CDH18: variants seen among roughly 807,000 people sequenced by gnomAD.
CDH18 encodes the protein cadherin-18.
A neutral mutation model predicts 67.9 loss-of-function variants in CDH18; 31 were observed. The observed-to-expected ratio is 0.46, with a 90% CI of 0.34 to 0.62. CDH18 has a LOEUF of 0.62. Among genes scored for constraint, CDH18 ranks in the 20% least tolerant of loss-of-function variants. The probability of loss-of-function intolerance (pLI) is 0.01; values close to 1 mark genes in which losing one functional copy is unlikely to be tolerated. For missense variants in CDH18, 890 were observed against 975.5 expected, an observed-to-expected ratio of 0.91 and a Z score of 1.17; for synonymous variants, 362 against 347.2, an observed-to-expected ratio of 1.04 and a Z score of -0.48.
intron 1 of CDH18, among the ~76,000 whole-genome samples, chr5:20,489,603 T>C (rs1753458525): frequency 6.6e-6 from 1 of 152,080 alleles, no homozygotes; most frequent in Non-Finnish European, 1.5e-5. Context: ...TATATTTAAA[T>C]ATTCATCCTA....
chr5:20,449,305 A>G (rs1750249444), intron 1 of CDH18, among the ~76,000 whole-genome samples: 1 of 152,146 alleles, frequency 6.6e-6, no homozygotes, highest in Admixed American at 6.6e-5. Context: ...TTCCTTAGAA[A>G]TGTGAGTGTA....
chr5:19,946,326 C>T (rs949298742), intron 2 of CDH18, among the ~76,000 whole-genome samples: 2 of 151,990 alleles, frequency 1.3e-5, no homozygotes, highest in Admixed American at 1.3e-4. Flanking sequence ...AATTTGCTCT[C>T]AGTAGATCTA....
chr5:19,777,593 T>A (rs1453542044), intron 3 of CDH18, among the ~76,000 whole-genome samples: 2 of 152,316 alleles, frequency 1.3e-5, no homozygotes, highest in Middle Eastern at 3.4e-3. Context: ...ATTGTTGGCA[T>A]TCTTGCAGAT....
intron 11 of CDH18, among the ~76,000 whole-genome samples, chr5:19,489,429 A>T (rs1740974721): frequency 6.6e-6 from 1 of 151,742 alleles, no homozygotes; most frequent in Non-Finnish European, 1.5e-5. Context: ...TTGTATTTTT[A>T]GTAGAGACAG....
intron 2 of CDH18, among the ~76,000 whole-genome samples, chr5:20,081,607 C>T (rs1055955485): frequency 3.3e-5 from 5 of 152,036 alleles, no homozygotes; most frequent in African/African-American, 1.2e-4. Context: ...CCACAGAATA[C>T]CATGAAGACA....
chr5:19,949,334 G>T lies in CDH18; in HGVS notation c.-257+31726C>A, dbSNP rs562246923. 1.8e-4 allele frequency among the ~76,000 whole-genome samples: 28 copies of T among 152,106 alleles called. 1 individual carries two copies. The South Asian group carries it at 5.6e-3, about 30-fold the overall frequency. On this transcript the variant is annotated intron_variant, in intron 2 of 12. Coordinates refer to ENST00000382275, the MANE Select transcript of CDH18 (RefSeq NM_004934.5). ...CCATCTAGGTATAAGACAGATTAGG[G>T]TTCACTGTCACTTCCCTGCCTCTGG...
At chr5:19,921,985 A>G (rs1792532788) in intron 2 of CDH18, among the ~76,000 whole-genome samples, 1 of 152,212 alleles carries the variant, frequency 6.6e-6, no homozygotes, top group Admixed American at 6.5e-5. Context: ...TAGGTCTGTC[A>G]CACGTCTCTT....
intron 12 of CDH18, among the ~76,000 whole-genome samples, chr5:19,474,680 T>C (rs1738141515): frequency 6.6e-6 from 1 of 152,132 alleles, no homozygotes; most frequent in African/African-American, 2.4e-5. Flanking sequence ...GCATCACAGG[T>C]AATGATATTT....
chr5:20,156,077 A>G lies in CDH18; in HGVS notation c.-518+99367T>C, dbSNP rs113812020. 6.3e-3 allele frequency among the ~76,000 whole-genome samples: 966 copies of G among 152,252 alleles called. 15 individuals carry two copies. The highest frequency in any genetic ancestry group is 0.022 in the African/African-American group (923 of 41,550). On this transcript the variant is annotated intron_variant, in intron 2 of 14. Coordinates refer to the CDH18 transcript ENST00000507958. The stretch of plus-strand genomic sequence containing the variant: ...GAATGGCTATTATTAAAAACTCAAA[A>G]AACAACAGATGTTGGTGAGTATGTG...
intron 2 of CDH18, among the ~76,000 whole-genome samples, chr5:20,074,843 GC>G (rs2150530736): frequency 6.6e-6 from 1 of 151,920 alleles, no homozygotes; most frequent in South Asian, 2.1e-4. Flanking sequence ...AAATGGCAAA[GC>G]CACAGTTATT....
At chr5:19,630,029 C>T (rs1489203203) in intron 5 of CDH18, among the ~76,000 whole-genome samples, 11 of 152,154 alleles carry the variant, frequency 7.2e-5, no homozygotes, top group African/African-American at 2.4e-4. Flanking sequence ...CTCCACCTCC[C>T]GGGTTCAAGC....
intron 3 of CDH18, among the ~76,000 whole-genome samples, chr5:19,764,093 C>A (rs1772747150): frequency 6.7e-6 from 1 of 149,066 alleles, no homozygotes; most frequent in South Asian, 2.1e-4. Flanking sequence ...CGCTTGAACC[C>A]AGGAGGTGGA....
intron 2 of CDH18, among the ~76,000 whole-genome samples, chr5:20,043,826 TA>T (rs1740663753): frequency 6.6e-6 from 1 of 152,202 alleles, no homozygotes. Flanking sequence ...AAAAATATTT[TA>T]AATCAGAATG....
chr5:20,418,511 A>G (rs1298459926), intron 1 of CDH18, among the ~76,000 whole-genome samples: 3 of 151,702 alleles, frequency 2.0e-5, no homozygotes, highest in African/African-American at 7.3e-5. Context: ...CTAGAGTGAC[A>G]TTTGCTACTA....
chr5:20,099,266 T>C (rs1240620987), intron 2 of CDH18, among the ~76,000 whole-genome samples: 1 of 152,116 alleles, frequency 6.6e-6, no homozygotes, highest in Non-Finnish European at 1.5e-5. Flanking sequence ...GTTGGGTGAT[T>C]GTAGGGATTA....
intron 1 of CDH18, among the ~76,000 whole-genome samples, chr5:20,400,735 C>A (rs2174945): frequency 0.55 from 83,288 of 151,898 alleles, 23,249 homozygotes; most frequent in Middle Eastern, 0.62. Context: ...GCACTCCAGA[C>A]CCTGCACTTC....
At chr5:20,525,409 A>AG (rs1421379688) in intron 1 of CDH18, among the ~76,000 whole-genome samples, 3 of 152,060 alleles carry the variant, frequency 2.0e-5, no homozygotes, top group Non-Finnish European at 4.4e-5. Flanking sequence ...CAGGCCGCAG[A>AG]ATTTACAGGC....
chr5:19,506,442 C>T (rs908082876), intron 10 of CDH18, among the ~76,000 whole-genome samples: 18 of 152,148 alleles, frequency 1.2e-4, no homozygotes, highest in Non-Finnish European at 2.2e-4. Flanking sequence ...AAAGAGTCCA[C>T]GTTTCCAAGT....
chr5:19,716,193 C>T (rs187266014), intron 5 of CDH18, among the ~76,000 whole-genome samples: 1 of 152,088 alleles, frequency 6.6e-6, no homozygotes, highest in African/African-American at 2.4e-5. Context: ...AAGAGCATTG[C>T]CCTCATTTTC....
Sources: allele counts gnomAD v4.1 joint callset (sites outside exome capture counted in the v4.1 genomes callset), GRCh38; gene constraint gnomAD v4.1.1; transcripts MANE v1.5; gene names NCBI Gene and HGNC (gene_info 2026-07-23, HGNC 2026-07-21).